The following FUT8 variants were observed in gnomAD, a reference collection of about 807,000 sequenced individuals.
FUT8 encodes the protein alpha-(1,6)-fucosyltransferase.
FUT8 carries 29 observed loss-of-function variants against 71.3 expected under a neutral mutation model. The observed-to-expected ratio is 0.41, with a 90% CI of 0.30 to 0.55. The LOEUF (loss-of-function observed/expected upper bound fraction) is 0.55. FUT8 is among the 20% of genes least tolerant of loss of function. The pLI is 0.34. For synonymous variants in FUT8, 254 were observed against 239.3 expected (o/e 1.06, Z -0.57); for missense variants, 544 against 702.1 (o/e 0.77, Z 2.55).
intron 1 of FUT8, among the ~76,000 whole-genome samples, chr14:65,417,146 G>A (rs182823507): frequency 2.0e-4 from 30 of 151,970 alleles, no homozygotes; most frequent in Middle Eastern, 3.4e-3. Flanking sequence ...AAAGAGACAG[G>A]GTCTTGCCAT....
chr14:65,462,531 A>T (rs932979067), intron 2 of FUT8, among the ~76,000 whole-genome samples: 2 of 152,212 alleles, frequency 1.3e-5, no homozygotes, highest in Non-Finnish European at 2.9e-5. Context: ...AAAAATTCTT[A>T]CTAGAGAATG....
intron 2 of FUT8, among the ~76,000 whole-genome samples, chr14:65,523,722 C>T (rs1883245247): frequency 6.6e-6 from 1 of 152,200 alleles, no homozygotes; most frequent in Non-Finnish European, 1.5e-5. Context: ...ACATTTAGGT[C>T]TTTAATCCAT....
At chr14:65,460,610 G>T (rs2065956740) in intron 2 of FUT8, among the ~76,000 whole-genome samples, 1 of 152,048 alleles carries the variant, frequency 6.6e-6, no homozygotes, top group Non-Finnish European at 1.5e-5. Context: ...CTTCTGCCAG[G>T]ATTATCTGAT....
At chr14:65,618,425 A>G (rs944367936) in intron 5 of FUT8, among the ~76,000 whole-genome samples, 4 of 152,080 alleles carry the variant, frequency 2.6e-5, no homozygotes, top group Non-Finnish European at 5.9e-5. Context: ...TTCATTGAAA[A>G]CAAAAATGGT....
intron 3 of FUT8, among the ~76,000 whole-genome samples, chr14:65,584,489 C>T (rs192879576): frequency 1.3e-4 from 20 of 152,230 alleles, no homozygotes; most frequent in African/African-American, 4.3e-4. Flanking sequence ...CTGTTTACTT[C>T]TTAACATCAA....
chr14:65,382,903 C>CT, the FUT8 span, among the ~76,000 whole-genome samples: 41 of 148,498 alleles, frequency 2.8e-4, 1 homozygote, highest in African/African-American at 4.2e-4. Flanking sequence ...TGCCCCAAAT[C>CT]TTTTTTTTTT....
At chr14:65,544,078 G>C (rs1884845378) in intron 2 of FUT8, among the ~76,000 whole-genome samples, 1 of 151,968 alleles carries the variant, frequency 6.6e-6, no homozygotes, top group Non-Finnish European at 1.5e-5. Flanking sequence ...TAGTTGTCAG[G>C]GGCTGTTTTT....
intron 10 of FUT8, among the ~76,000 whole-genome samples, chr14:65,736,794 C>A (rs181351071): frequency 2.8e-4 from 43 of 152,170 alleles, no homozygotes; most frequent in Non-Finnish European, 4.1e-4. Context: ...ATAACCAACT[C>A]TCAACTTTCT....
chr14:65,659,713 G>A (rs1163659489), intron 6 of FUT8, among the ~76,000 whole-genome samples: 11 of 151,384 alleles, frequency 7.3e-5, no homozygotes, highest in East Asian at 1.9e-4. Context: ...TCTCTCGTCC[G>A]CCTTTCTTCC....
At chr14:65,383,540 G>T in the FUT8 span, among the ~76,000 whole-genome samples, 2 of 152,016 alleles carry the variant, frequency 1.3e-5, no homozygotes, top group African/African-American at 4.8e-5. Flanking sequence ...AAAGTGCTGG[G>T]ATTACAGGCG....
chr14:65,520,815 C>A lies in FUT8; in HGVS notation c.-227-40522C>A, dbSNP rs1263464393. Among the ~76,000 whole-genome samples the A allele has an allele frequency of 2.0e-5, 3 of 151,846 alleles. No homozygotes were observed. In the South Asian group the frequency reaches 6.2e-4, roughly 32 times the overall value. Reference sequence around the variant, plus strand: ...GTTTTATTTTTCAGACCACACAGTCCTTTGAATTCTGATGCATCAAGTTTC... The same window carrying A: ...GTTTTATTTTTCAGACCACACAGTCATTTGAATTCTGATGCATCAAGTTTC... On this transcript the variant is annotated intron_variant, in intron 2 of 10. Transcript: ENST00000673929.
At chr14:65,536,801 A>G (rs570882769) in intron 2 of FUT8, among the ~76,000 whole-genome samples, 7 of 152,180 alleles carry the variant, frequency 4.6e-5, no homozygotes, top group South Asian at 2.1e-4. Flanking sequence ...GCCTCTCTCT[A>G]TAGGTTCAGA....
At chr14:65,506,784 T>C (rs1041997033) in intron 2 of FUT8, among the ~76,000 whole-genome samples, 3 of 152,186 alleles carry the variant, frequency 2.0e-5, no homozygotes, top group African/African-American at 7.2e-5. Flanking sequence ...TTACAGACAA[T>C]CCAAATACAC....
chr14:65,474,403 G>T (rs2139651505), intron 2 of FUT8, among the ~76,000 whole-genome samples: 1 of 130,096 alleles, frequency 7.7e-6, no homozygotes, highest in Middle Eastern at 4.9e-3. Context: ...AGGAGTTCGG[G>T]ACCAGCCTGA....
intron 5 of FUT8, among the ~76,000 whole-genome samples, chr14:65,616,825 G>A (rs1266887293): frequency 4.6e-5 from 7 of 151,972 alleles, no homozygotes; most frequent in Non-Finnish European, 7.4e-5. Context: ...AGGTTAACAG[G>A]ATTTTTTTTT....
chr14:65,470,111 G>GGGGGCCTAGGCGGC (rs1250879721), intron 2 of FUT8, among the ~76,000 whole-genome samples: 36 of 152,242 alleles, frequency 2.4e-4, no homozygotes, highest in Non-Finnish European at 4.4e-4. Context: ...CTTCCTCAGA[G>GGGGGCCTAGGCGGC]GGGGCCTAGG....
At chr14:65,449,047 G>C (rs955790359) in intron 1 of FUT8, among the ~76,000 whole-genome samples, 23 of 152,132 alleles carry the variant, frequency 1.5e-4, no homozygotes, top group African/African-American at 5.1e-4. Flanking sequence ...ATGTCAAACA[G>C]AACTTACAAA....
intron 2 of FUT8, among the ~76,000 whole-genome samples, chr14:65,473,858 A>G (rs1466900891): frequency 6.6e-6 from 1 of 152,200 alleles, no homozygotes; most frequent in Non-Finnish European, 1.5e-5. Context: ...GAGATGGTGA[A>G]TTTGATGATT....
intron 1 of FUT8, among the ~76,000 whole-genome samples, chr14:65,432,679 A>G (rs1009456806): frequency 2.6e-5 from 4 of 152,302 alleles, no homozygotes; most frequent in Admixed American, 2.6e-4. Flanking sequence ...TTAAGGAGCC[A>G]GCCAAAACCC....
Sources: allele counts gnomAD v4.1 joint callset (sites outside exome capture counted in the v4.1 genomes callset), GRCh38; gene constraint gnomAD v4.1.1; transcripts MANE v1.5; gene names NCBI Gene and HGNC (gene_info 2026-07-23, HGNC 2026-07-21).